TRAPPC6A: variants seen among roughly 807,000 people sequenced by gnomAD.
TRAPPC6A encodes the protein trafficking protein particle complex subunit 6A, also known as TRAPP complex subunit 6A.
TRAPPC6A carries 25 observed loss-of-function variants against 20.8 expected under a neutral mutation model. The observed-to-expected ratio is 1.20, with a 90% CI of 0.88 to 1.68. The LOEUF (loss-of-function observed/expected upper bound fraction) is 1.68. Among genes scored for constraint, TRAPPC6A ranks in the 40% most tolerant of loss-of-function variants. The probability of loss-of-function intolerance (pLI) is 0.00; values close to 1 mark genes in which losing one functional copy is unlikely to be tolerated. For missense variants in TRAPPC6A, 215 were observed against 211.6 expected (o/e 1.02, Z -0.10); for synonymous variants, 96 against 93.3 (o/e 1.03, Z -0.16).
chr19:45,174,369 ACAGGCTCTG>A (rs1385919119), intron 1 of TRAPPC6A, among the ~76,000 whole-genome samples: 3 of 152,126 alleles, frequency 2.0e-5, no homozygotes, highest in Non-Finnish European at 4.4e-5. Flanking sequence ...CTGCCACGGC[ACAGGCTCTG>A]CATTCACCTC....
At chr19:45,169,600 G>A (rs1462475554) in intron 1 of TRAPPC6A, among the ~76,000 whole-genome samples, 2 of 152,278 alleles carry the variant, frequency 1.3e-5, no homozygotes, top group African/African-American at 4.8e-5. Flanking sequence ...TGTCAAACAA[G>A]GAGACGGCCC....
At chr19:45,168,239 G>GT (rs1034113266) in intron 1 of TRAPPC6A, among the ~76,000 whole-genome samples, 16 of 151,976 alleles carry the variant, frequency 1.1e-4, no homozygotes, top group African/African-American at 3.6e-4. Flanking sequence ...TCCTGACCTC[G>GT]TGATTCACCC....
chr19:45,174,804 G>C (rs189067503), intron 1 of TRAPPC6A, among the ~76,000 whole-genome samples: 38 of 152,110 alleles, frequency 2.5e-4, no homozygotes, highest in Admixed American at 1.0e-3. Context: ...ACTCCGGCTT[G>C]GGTGACAGAG....
chr19:45,175,077 C>T (rs1459036509), intron 1 of TRAPPC6A, among the ~76,000 whole-genome samples: 3 of 151,486 alleles, frequency 2.0e-5, no homozygotes, highest in African/African-American at 7.3e-5. Flanking sequence ...ATGGCTAACA[C>T]AGTGAAACTC....
chr19:45,163,996 G>A lies in TRAPPC6A; in HGVS notation c.368C>T (p.Thr123Ile). The A allele has an allele frequency of 6.4e-7, 1 of 1,574,210 alleles. No individual in the cohort carries two copies. The change falls in exon 5 of 6, where the codon ACC becomes ATC. Residue 123 changes from threonine (T) to isoleucine (I), a missense_variant. By Grantham distance (89) the Thr-to-Ile change is moderately conservative. Transcript: ENST00000585934. The surrounding 1 kb of genome is among the most constrained non-coding windows in gnomAD (Gnocchi z 5.3). ...LEEAPKFLAF[T>I]CGLLRGALYT... is the part of the protein sequence containing the mutation. The stretch of plus-strand genomic sequence containing the variant: ...GAGGGCGCCGCGCAGGAGGCCGCAG[G>A]TGAAGGCCAGGAACTGAGGAGGGAA...
Position 45,172,301 on chromosome 19 carries a change from T to C in TRAPPC6A, c.84+5834A>G, listed in dbSNP as rs1199913785. Reference sequence around the variant, plus strand: ...CCCAGAAGCCCTGGGGCCAGAAGCCTGAGTTCTAATTTTGCCTTTAAGAGA... The same window carrying C: ...CCCAGAAGCCCTGGGGCCAGAAGCCCGAGTTCTAATTTTGCCTTTAAGAGA... On this transcript the variant is annotated intron_variant, in intron 1 of 5. Transcript: ENST00000585934. The surrounding 1 kb of genome is among the most constrained non-coding windows in gnomAD (Gnocchi z 4.2). 1.3e-5 allele frequency among the ~76,000 whole-genome samples: 2 copies of C among 151,680 alleles called. 1 individual carries two copies. Among genetic ancestry groups the C allele is most frequent in the African/African-American group, 4.9e-5 (2 of 40,970 alleles).
Position 45,172,903 on chromosome 19 carries a change from A to G in TRAPPC6A, c.84+5232T>C, listed in dbSNP as rs1372032264. ...CCCACTGCCTTCGGGATGGAGCCCC[A>G]GTTCCCAGGAGGGCCTCGCTGGAGC... is the stretch of plus-strand genomic sequence containing the variant. On this transcript the variant is annotated intron_variant, in intron 1 of 5. Transcript: ENST00000585934. This position sits in a 1 kb window ranked among gnomAD's most constrained non-coding sequence, Gnocchi z 4.2. Among the ~76,000 whole-genome samples the G allele has an allele frequency of 1.3e-5, 2 of 151,816 alleles. No individual in the cohort carries two copies. Among genetic ancestry groups the G allele is most frequent in the East Asian group, 3.9e-4 (2 of 5,180 alleles).
rs967580162 is a variant in TRAPPC6A, at chr19:45,163,103, A to C, written c.*89T>G. 7 of 1,534,172 alleles carry C rather than the reference A, an allele frequency of 4.6e-6. No homozygotes were observed. The African/African-American group carries it at 8.2e-5, about 18-fold the overall frequency. On this transcript the variant is annotated 3_prime_UTR_variant, in exon 6 of 6. Transcript: ENST00000585934. This position sits in a 1 kb window ranked among gnomAD's most constrained non-coding sequence, Gnocchi z 5.3. Reference sequence around the variant, plus strand: ...GTGACCCCTAGGGCCTGGGATTCCCAAGACCACCCCGAAATGCAGCGGCCC... The same window carrying C: ...GTGACCCCTAGGGCCTGGGATTCCCCAGACCACCCCGAAATGCAGCGGCCC...
In TRAPPC6A at chr19:45,172,579, G is replaced by A. The variant is rs1188041566; in HGVS notation, c.84+5556C>T. Among the ~76,000 whole-genome samples, 1 of 151,662 alleles carries A rather than the reference G, an allele frequency of 6.6e-6. No individual in the cohort carries two copies. On this transcript the variant is annotated intron_variant, in intron 1 of 5. Coordinates refer to ENST00000585934, the MANE Select transcript of TRAPPC6A (RefSeq NM_001270891.2). This position sits in a 1 kb window ranked among gnomAD's most constrained non-coding sequence, Gnocchi z 4.2. ...GAAGTGCTGGCACACAGATGGGTGA[G>A]TGAGGGGTGGGTGCGAGAAGCCTGC... is the stretch of plus-strand genomic sequence containing the variant.
At chr19:45,166,952 T>A (rs1969168451) in intron 1 of TRAPPC6A, among the ~76,000 whole-genome samples, 1 of 152,142 alleles carries the variant, frequency 6.6e-6, no homozygotes, top group South Asian at 2.1e-4. Context: ...CGGGCCCAGC[T>A]GCCTCCATCC....
At chr19:45,175,615 A>C (rs1205510088) in intron 1 of TRAPPC6A, among the ~76,000 whole-genome samples, 1 of 152,076 alleles carries the variant, frequency 6.6e-6, no homozygotes, top group Non-Finnish European at 1.5e-5. Flanking sequence ...AGCATGGTGA[A>C]GATGTGACAG....
Position 45,163,089 on chromosome 19 carries a change from G to C in TRAPPC6A, c.*103C>G, listed in dbSNP as rs960403400. ...CTTCCTGAGCAAATGTGACCCCTAG[G>C]GCCTGGGATTCCCAAGACCACCCCG... is the stretch of plus-strand genomic sequence containing the variant. On this transcript the variant is annotated 3_prime_UTR_variant, in exon 6 of 6. Coordinates refer to ENST00000585934, the MANE Select transcript of TRAPPC6A (RefSeq NM_001270891.2). The surrounding 1 kb of genome is among the most constrained non-coding windows in gnomAD (Gnocchi z 5.3). 3.6e-6 allele frequency: 5 copies of C among 1,400,410 alleles called. No individual in the cohort carries two copies. The African/African-American group carries it at 7.1e-5, about 20-fold the overall frequency. 86.7% of individuals were successfully genotyped at this position (1,400,410 alleles called of 1,614,324 possible). A position where few individuals can be genotyped will look rare whatever the true frequency, so the allele number is the denominator to read the frequency against.
At chr19:45,169,060 G>A (rs1653200307) in intron 1 of TRAPPC6A, among the ~76,000 whole-genome samples, 1 of 152,214 alleles carries the variant, frequency 6.6e-6, no homozygotes, top group Non-Finnish European at 1.5e-5. Context: ...AGGCACAGCA[G>A]GGCCGGCCAC....
At chr19:45,166,920 G>A (rs1231988741) in intron 1 of TRAPPC6A, among the ~76,000 whole-genome samples, 8 of 152,120 alleles carry the variant, frequency 5.3e-5, no homozygotes, top group African/African-American at 1.4e-4. Flanking sequence ...GAGCGTGTCC[G>A]AGGAAGGCTT....
chr19:45,169,204 G>T (rs565767110), intron 1 of TRAPPC6A, among the ~76,000 whole-genome samples: 9 of 152,220 alleles, frequency 5.9e-5, no homozygotes, highest in African/African-American at 1.9e-4. Context: ...CAGAGCCACC[G>T]CCTGGGTCCA....
chr19:45,163,538 G>A lies in TRAPPC6A; in HGVS notation c.449-315C>T, dbSNP rs570078989. 5.2e-4 allele frequency among the ~76,000 whole-genome samples: 79 copies of A among 152,248 alleles called. No homozygotes were observed. Among genetic ancestry groups the A allele is most frequent in the Middle Eastern group, 3.4e-3 (1 of 294 alleles). On this transcript the variant is annotated intron_variant, in intron 5 of 5. Transcript: ENST00000585934. This position sits in a 1 kb window ranked among gnomAD's most constrained non-coding sequence, Gnocchi z 5.3. The stretch of plus-strand genomic sequence containing the variant: ...CAGAGGCAAAATAACTGAAGGTGGG[G>A]GAGGTGGTGGGGCAGGCTGTCCCCA...
At chr19:45,164,730 C>A (rs1003676966) in intron 3 of TRAPPC6A, 123 bp downstream of exon 3, 17 of 869,830 alleles carry the variant, frequency 2.0e-5, no homozygotes, top group Non-Finnish European at 3.0e-5. Context: ...GAGCTGCGGC[C>A]GCCTGTGGGA....
intron 1 of TRAPPC6A, among the ~76,000 whole-genome samples, chr19:45,177,178 G>A (rs975046484): frequency 7.4e-6 from 1 of 135,436 alleles, no homozygotes; most frequent in African/African-American, 3.1e-5. Context: ...GACCGAGCAG[G>A]ATGCGCGTGC....
At chr19:45,170,818 C>A (rs910797536) in intron 1 of TRAPPC6A, among the ~76,000 whole-genome samples, 2 of 152,144 alleles carry the variant, frequency 1.3e-5, no homozygotes, top group African/African-American at 4.8e-5. Context: ...CCATTCAGAT[C>A]CTGGCTGAAC....
Sources: gnomAD v4.1 joint callset for allele counts (sites outside exome capture counted in the v4.1 genomes callset) on GRCh38, gnomAD v4.1.1 for gene constraint, Gnocchi (gnomAD v3.1) non-coding constraint, MANE v1.5 for transcripts, NCBI Gene and HGNC (gene_info 2026-07-23, HGNC 2026-07-21) for gene names.